The following ZNF69 variants were observed in gnomAD, a reference collection of about 807,000 sequenced individuals.
ZNF69 encodes the protein zinc finger protein 69.
Under a neutral mutation model 50.9 loss-of-function variants are expected in ZNF69, and 47 were observed. The observed-to-expected ratio is 0.92, with a 90% confidence interval of 0.73 to 1.18. The LOEUF (loss-of-function observed/expected upper bound fraction) is 1.18, where lower values mean the gene tolerates loss of function less well. Ranked by LOEUF, ZNF69 falls within the 50% of genes most tolerant of loss-of-function variation. ZNF69 has a pLI of 0.00. For synonymous variants in ZNF69, 216 were observed against 223.1 expected (o/e 0.97, Z 0.29); for missense variants, 717 against 675.1 (o/e 1.06, Z -0.69).
chr19:11,939,951 TC>T, the ZNF69 span: 1 of 142,962 alleles, frequency 7.0e-6, no homozygotes, highest in African/African-American at 3.0e-5. Flanking sequence ...CAAGACGTTT[TC>T]TTTTTTTTTT....
downstream of ZNF69, among the ~76,000 whole-genome samples, chr19:11,919,086 G>A (rs1325052344): frequency 6.6e-6 from 1 of 151,886 alleles, no homozygotes; most frequent in African/African-American, 2.4e-5. Flanking sequence ...TAGTAGAGAC[G>A]GGGTTTCATC....
chr19:11,952,030 C>T, the ZNF69 span, among the ~76,000 whole-genome samples: 1 of 152,136 alleles, frequency 6.6e-6, no homozygotes, highest in Non-Finnish European at 1.5e-5. Context: ...CAAAAATTAG[C>T]CAGGTGTGGT....
chr19:11,925,043 C>T, the ZNF69 span: 2 of 646,848 alleles, frequency 3.1e-6, no homozygotes, highest in East Asian at 6.8e-5. Flanking sequence ...AGTATTTCAT[C>T]CAATCAGAGG....
chr19:11,889,202 T>C (rs558464636), intron 1 of ZNF69, among the ~76,000 whole-genome samples: 10 of 152,312 alleles, frequency 6.6e-5, no homozygotes, highest in African/African-American at 2.4e-4. Flanking sequence ...AATTCTAAGG[T>C]GTGACTTACC....
downstream of ZNF69, among the ~76,000 whole-genome samples, chr19:11,910,584 T>A (rs1305772558): frequency 6.6e-6 from 1 of 152,172 alleles, no homozygotes; most frequent in Admixed American, 6.5e-5. Context: ...GATTCCCTAT[T>A]TAATAAATGG....
At chr19:11,970,427 G>A in the ZNF69 span, among the ~76,000 whole-genome samples, 4 of 152,248 alleles carry the variant, frequency 2.6e-5, no homozygotes, top group Middle Eastern at 3.4e-3. Flanking sequence ...TTATAACAAC[G>A]TTAAATCCAT....
intron 1 of ZNF69, among the ~76,000 whole-genome samples, chr19:11,900,131 A>G (rs1045597779): frequency 6.6e-6 from 1 of 151,666 alleles, no homozygotes; most frequent in African/African-American, 2.4e-5. Flanking sequence ...TGTTCGTATT[A>G]TTAGTAGAGA....
the ZNF69 span, among the ~76,000 whole-genome samples, chr19:11,933,830 G>A: frequency 7.0e-6 from 1 of 142,126 alleles, no homozygotes; most frequent in Non-Finnish European, 1.5e-5. Context: ...GGGTGACGGA[G>A]CAAGACTCCA....
chr19:11,934,059 T>G, the ZNF69 span, among the ~76,000 whole-genome samples: 1 of 147,732 alleles, frequency 6.8e-6, no homozygotes, highest in Non-Finnish European at 1.5e-5. Context: ...AAGGCTCATC[T>G]TGAGCCTGGT....
chr19:11,924,602 A>C, the ZNF69 span, among the ~76,000 whole-genome samples: 3 of 152,132 alleles, frequency 2.0e-5, no homozygotes, highest in Non-Finnish European at 4.4e-5. Context: ...GAAAATGAAG[A>C]TCTGAAAGGA....
chr19:11,903,949 C>G lies in ZNF69; in HGVS notation c.235C>G (p.Pro79Ala), dbSNP rs1370142229. 6.2e-7 allele frequency: 1 copy of G among 1,613,594 alleles called. No homozygotes were observed. The highest frequency in any genetic ancestry group is 8.5e-7 in the Non-Finnish European group (1 of 1,179,834). The part of the protein sequence containing the change: ...DQNIEYEYQN[P>A]RRNFRSLIEK... ...GAACATTGAATATGAGTACCAAAAC[C>G]CCAGGAGAAACTTCAGGTAATTTGT... The change falls in exon 3 of 4, where the codon CCC (proline) becomes GCC (alanine). Residue 79 changes from proline to alanine, a missense_variant. By Grantham distance (27) the Pro-to-Ala change is conservative. Transcript: ENST00000429654.
chr19:11,925,524 G>A, the ZNF69 span, among the ~76,000 whole-genome samples: 1 of 152,194 alleles, frequency 6.6e-6, no homozygotes, highest in African/African-American at 2.4e-5. Flanking sequence ...CCCTCTCTGG[G>A]CAGTTCCGCT....
At chr19:11,921,937 C>G in the ZNF69 span, among the ~76,000 whole-genome samples, 2 of 152,110 alleles carry the variant, frequency 1.3e-5, no homozygotes, top group African/African-American at 4.8e-5. Flanking sequence ...TTTATTTACT[C>G]CAAGAAAAGT....
chr19:11,947,478 C>T, the ZNF69 span: 5 of 1,606,242 alleles, frequency 3.1e-6, no homozygotes, highest in East Asian at 4.5e-5. Flanking sequence ...CAATTTTATA[C>T]TGCTTCAGGA....
At position 11,903,586 on chromosome 19, in the gene ZNF69, TTGA is replaced by T; in HGVS notation, c.83_85del (p.Asp28del). 6.2e-7 allele frequency: 1 copy of T among 1,614,142 alleles called. No individual in the cohort carries two copies. The highest frequency in any genetic ancestry group is 1.1e-5 in the South Asian group (1 of 91,088). ...GAGATGTTTCAGGACCCAGTGGCCT[TTGA>T]TGATGTTGCTGTGAACTTCACCCAG... On this transcript the variant is annotated inframe_deletion, in exon 2 of 4. Coordinates refer to ENST00000429654, the MANE Select transcript of ZNF69 (RefSeq NM_001364730.1).
chr19:11,955,069 A>G, the ZNF69 span, among the ~76,000 whole-genome samples: 1 of 146,996 alleles, frequency 6.8e-6, no homozygotes, highest in African/African-American at 2.6e-5. Context: ...CAATGGCTCA[A>G]TCTTGGCTCA....
chr19:11,904,928 C>T lies in ZNF69; in HGVS notation c.531C>T (p.Pro177=). 1 of 1,614,214 alleles carries T rather than the reference C, an allele frequency of 6.2e-7. No individual in the cohort carries two copies. Among genetic ancestry groups the T allele is most frequent in the Non-Finnish European group, 8.5e-7 (1 of 1,180,034 alleles). ...CTAAAAAAGCCTTCAGATATCACCC[C>T]TCCTTTAGAACACCACAAAGGGATC... The part of the protein sequence containing the change: ...QQPKKAFRYH[P]SFRTPQRDHT... Residue 177 remains proline (P), a synonymous_variant, in exon 4 of 4, where the codon CCC becomes CCT. Coordinates refer to ENST00000429654, the MANE Select transcript of ZNF69 (RefSeq NM_001364730.1).
the ZNF69 span, chr19:11,947,050 G>T: frequency 1.9e-5 from 27 of 1,400,326 alleles, no homozygotes; most frequent in Non-Finnish European, 2.6e-5. Flanking sequence ...GGAGAGAAAG[G>T]GATCTGATAA....
At chr19:11,924,841 T>C in the ZNF69 span, among the ~76,000 whole-genome samples, 4 of 152,184 alleles carry the variant, frequency 2.6e-5, no homozygotes, top group Admixed American at 1.3e-4. Flanking sequence ...GCGGGGACTG[T>C]CCCTTGAGTG....
Sources: gnomAD v4.1 joint callset for allele counts (sites outside exome capture counted in the v4.1 genomes callset) on GRCh38, gnomAD v4.1.1 for gene constraint, MANE v1.5 for transcripts, NCBI Gene and HGNC (gene_info 2026-07-23, HGNC 2026-07-21) for gene names.